The following DRC9 variants were observed in gnomAD, a reference collection of about 807,000 sequenced individuals.
DRC9 encodes dynein regulatory complex protein 9.
At chr3:197,917,478 T>C in the DRC9 span, among the ~76,000 whole-genome samples, 6,392 of 152,310 alleles carry the variant, frequency 0.042, 209 homozygotes, top group African/African-American at 0.088. Context: ...GAATATGCTA[T>C]AGGCCCTTTG....
the DRC9 span, chr3:197,932,264 T>C: frequency 4.3e-6 from 7 of 1,612,334 alleles, no homozygotes; most frequent in Non-Finnish European, 5.9e-6. Flanking sequence ...ATCTTGCAAC[T>C]CCTTAATGGT....
At chr3:197,889,681 T>C in the DRC9 span, 1 of 1,614,194 alleles carries the variant, frequency 6.2e-7, no homozygotes, top group African/African-American at 1.3e-5. Context: ...CCAATTTCTC[T>C]CCGTATCATA....
At chr3:197,911,617 T>A in the DRC9 span, among the ~76,000 whole-genome samples, 2 of 152,328 alleles carry the variant, frequency 1.3e-5, no homozygotes, top group South Asian at 4.1e-4. Context: ...ACTGGGAATG[T>A]TATTTTTATA....
chr3:197,936,899 T>C, the DRC9 span, among the ~76,000 whole-genome samples: 10 of 152,320 alleles, frequency 6.6e-5, no homozygotes, highest in Admixed American at 4.6e-4. Flanking sequence ...TTCTGTCCGA[T>C]GCAGATCTGG....
At chr3:197,935,128 G>C in the DRC9 span, among the ~76,000 whole-genome samples, 1 of 152,088 alleles carries the variant, frequency 6.6e-6, no homozygotes, top group African/African-American at 2.4e-5. Context: ...AGTCCCCTTT[G>C]CTTTAATCTT....
the DRC9 span, among the ~76,000 whole-genome samples, chr3:197,922,450 A>T: frequency 6.6e-6 from 1 of 152,178 alleles, no homozygotes; most frequent in Non-Finnish European, 1.5e-5. Flanking sequence ...TCACATCTGT[A>T]ATCTCAGCAC....
chr3:197,898,408 A>T, the DRC9 span, among the ~76,000 whole-genome samples: 1 of 152,244 alleles, frequency 6.6e-6, no homozygotes, highest in Non-Finnish European at 1.5e-5. Flanking sequence ...AATGAATTGA[A>T]CATTTAGGAA....
chr3:197,891,767 TTCTA>T, the DRC9 span, among the ~76,000 whole-genome samples: 153 of 152,368 alleles, frequency 1.0e-3, no homozygotes, highest in Non-Finnish European at 1.5e-3. Context: ...CAAATTTAAA[TTCTA>T]TCTTTTATAA....
chr3:197,955,670 AT>A, the DRC9 span: 2 of 1,234,796 alleles, frequency 1.6e-6, no homozygotes, highest in East Asian at 2.3e-5. Context: ...CCTTTCAGAG[AT>A]TTATCCGTAT....
chr3:197,956,732 C>A, the DRC9 span: 6 of 151,478 alleles, frequency 4.0e-5, no homozygotes, highest in Non-Finnish European at 8.8e-5. Context: ...TCGGCTCAGG[C>A]AAACCTCCTG....
At chr3:197,930,736 GAAA>G in the DRC9 span, among the ~76,000 whole-genome samples, 1 of 94,242 alleles carries the variant, frequency 1.1e-5, no homozygotes, top group Non-Finnish European at 2.3e-5. Context: ...CTCAGTCTCA[GAAA>G]AAAAAAAAAA....
the DRC9 span, among the ~76,000 whole-genome samples, chr3:197,934,615 G>T: frequency 1.3e-5 from 2 of 152,096 alleles, no homozygotes; most frequent in Non-Finnish European, 2.9e-5. Flanking sequence ...AAGAGCTGGA[G>T]ACATATAGCC....
At chr3:197,913,976 C>T in the DRC9 span, 3 of 1,614,106 alleles carry the variant, frequency 1.9e-6, no homozygotes, top group Non-Finnish European at 2.5e-6. Flanking sequence ...TAGCGATTCT[C>T]CAAGTTGGAT....
At chr3:197,903,499 G>T in the DRC9 span, among the ~76,000 whole-genome samples, 1 of 149,786 alleles carries the variant, frequency 6.7e-6, no homozygotes, top group Non-Finnish European at 1.5e-5. Context: ...AGCCGGGCAT[G>T]GCAGTGCACT....
chr3:197,957,975 C>T, the DRC9 span: 4 of 152,250 alleles, frequency 2.6e-5, no homozygotes, highest in African/African-American at 9.6e-5. Context: ...ACTAAAATGC[C>T]ACATGAGAGG....
the DRC9 span, among the ~76,000 whole-genome samples, chr3:197,903,878 G>A: frequency 6.6e-6 from 1 of 151,760 alleles, no homozygotes; most frequent in Non-Finnish European, 1.5e-5. Context: ...GGGAGGCCTA[G>A]GCTGGAGGAA....
At chr3:197,899,741 T>C in the DRC9 span, among the ~76,000 whole-genome samples, 315 of 152,118 alleles carry the variant, frequency 2.1e-3, 2 homozygotes, top group Non-Finnish European at 3.6e-3. Flanking sequence ...CCACTGATAG[T>C]TCCCCCCACC....
At chr3:197,904,072 A>ATG in the DRC9 span, among the ~76,000 whole-genome samples, 2 of 7,878 alleles carry the variant, frequency 2.5e-4, no homozygotes, top group Non-Finnish European at 1.8e-3. Context: ...ATATACATAC[A>ATG]TATATATATA....
the DRC9 span, among the ~76,000 whole-genome samples, chr3:197,896,421 T>G: frequency 6.6e-6 from 1 of 152,166 alleles, no homozygotes; most frequent in South Asian, 2.1e-4. Flanking sequence ...AACTAGAGTT[T>G]GGCAAAAAAT....
Sources: allele counts gnomAD v4.1 joint callset (sites outside exome capture counted in the v4.1 genomes callset), GRCh38; gene constraint gnomAD v4.1.1; transcripts MANE v1.5; gene names NCBI Gene and HGNC (gene_info 2026-07-23, HGNC 2026-07-21).